THOP1: variants seen among roughly 807,000 people sequenced by gnomAD.
THOP1 encodes thimet oligopeptidase 1.
THOP1 carries 49 observed loss-of-function variants against 71.8 expected under a neutral mutation model. That is an observed-to-expected ratio of 0.68 (90% confidence interval 0.54 to 0.87). The LOEUF is 0.87. Among genes scored for constraint, THOP1 ranks in the 40% least tolerant of loss-of-function variants. The pLI, the probability that THOP1 is intolerant of heterozygous loss-of-function variation, is 0.00. For missense variants in THOP1, 843 were observed against 975.6 expected, an observed-to-expected ratio of 0.86 and a Z score of 1.81; for synonymous variants, 426 against 421.5, an observed-to-expected ratio of 1.01 and a Z score of -0.13.
intron 5 of THOP1, among the ~76,000 whole-genome samples, chr19:2,800,505 CT>C (rs1467174031): frequency 6.6e-6 from 1 of 152,246 alleles, no homozygotes; most frequent in Non-Finnish European, 1.5e-5. Context: ...CTGATGGGTG[CT>C]ATAGAATATA....
Position 2,785,558 on chromosome 19 carries a change from G to T in THOP1, c.-105G>T, listed in dbSNP as rs1915719997. The T allele has an allele frequency of 2.2e-6, 3 of 1,336,332 alleles. No individual in the cohort carries two copies. Among genetic ancestry groups the T allele is most frequent in the Non-Finnish European group, 3.0e-6 (3 of 1,014,096 alleles). 82.8% of individuals were successfully genotyped at this position (1,336,332 alleles called of 1,614,324 possible). A position where few individuals can be genotyped will look rare whatever the true frequency, so the allele number is the denominator to read the frequency against. Reference sequence around the variant, plus strand: ...CCTTGGTCCTCAGGCGGCCGTGGCGGCGGTGGCGGCGGTTGGGCCGAGGCA... The same window carrying T: ...CCTTGGTCCTCAGGCGGCCGTGGCGTCGGTGGCGGCGGTTGGGCCGAGGCA... On this transcript the variant is annotated 5_prime_UTR_variant, in exon 1 of 13. Transcript: ENST00000307741.
intron 1 of THOP1, among the ~76,000 whole-genome samples, chr19:2,788,966 G>T (rs1915813001): frequency 6.6e-6 from 1 of 152,138 alleles, no homozygotes; most frequent in Non-Finnish European, 1.5e-5. Flanking sequence ...TCACCATGTT[G>T]TCCAGGCTGG....
At position 2,791,074 on chromosome 19, in the gene THOP1, T is replaced by C. The variant is rs138879200; in HGVS notation, c.229+441T>C. 1.7e-3 allele frequency among the ~76,000 whole-genome samples: 254 copies of C among 152,358 alleles called. 2 individuals are homozygous for C. Among genetic ancestry groups the C allele is most frequent in the South Asian group, 6.8e-3 (33 of 4,828 alleles). ...GGGTATTTGTTTCTCTCTGAATGAC[T>C]GAACTTGGCCCCCTTGGCTTCTGCC... On this transcript the variant is annotated intron_variant, in intron 2 of 12. Coordinates refer to ENST00000307741, the MANE Select transcript of THOP1 (RefSeq NM_003249.5).
In THOP1 at chr19:2,807,361, A is replaced by G. The variant is rs1318124869; in HGVS notation, c.887-81A>G. 6 of 1,474,296 alleles carry G rather than the reference A, an allele frequency of 4.1e-6. No homozygotes were observed. The African/African-American group carries it at 8.4e-5, about 21-fold the overall frequency. The allele number at this position is 1,474,296 out of a possible 1,614,324, so 91.3% of individuals were successfully genotyped here. On this transcript the variant is annotated intron_variant, in intron 7 of 12. Transcript: ENST00000307741. ...CCCTTCCAAATGGGGAGCCTGACGA[A>G]GTCGCGGCCGCGGGCGGGCGAGCCC...
At chr19:2,812,568 G>T (rs901571027) in intron 12 of THOP1, among the ~76,000 whole-genome samples, 1 of 152,210 alleles carries the variant, frequency 6.6e-6, no homozygotes, top group African/African-American at 2.4e-5. Context: ...CCGGCCGGGG[G>T]CTGTAGAGGT....
Position 2,790,563 on chromosome 19 carries a change from C to G in THOP1, c.159C>G (p.Thr53=). The G allele has an allele frequency of 6.2e-7, 1 of 1,607,054 alleles. No individual in the cohort carries two copies. Among genetic ancestry groups the G allele is most frequent in the Non-Finnish European group, 8.5e-7 (1 of 1,176,976 alleles). The change falls in exon 2 of 13, where the codon ACC becomes ACG. Residue 53 remains threonine, a synonymous_variant. Transcript: ENST00000307741. Reference sequence around the variant, plus strand: ...AGCGCGTGTATGACCAGGTTGGCACCCAGGAGTTTGAGGACGTGTCCTACG... The same window carrying G: ...AGCGCGTGTATGACCAGGTTGGCACGCAGGAGTTTGAGGACGTGTCCTACG... ...QTKRVYDQVG[T]QEFEDVSYES... is the part of the protein sequence containing the mutation.
At chr19:2,811,954 G>A (rs976015846) in intron 12 of THOP1, 2 of 1,210,946 alleles carry the variant, frequency 1.7e-6, no homozygotes, top group African/African-American at 3.1e-5. Context: ...GGTGTGCCGG[G>A]TGAGCCATCC....
rs1229526467 is a variant in THOP1, at chr19:2,804,012, A to G, written c.590-1004A>G. 1.3e-5 allele frequency among the ~76,000 whole-genome samples: 2 copies of G among 148,558 alleles called. No homozygotes were observed. Among genetic ancestry groups the G allele is most frequent in the African/African-American group, 5.0e-5 (2 of 39,702 alleles). On this transcript the variant is annotated intron_variant, in intron 5 of 12. Coordinates refer to ENST00000307741, the MANE Select transcript of THOP1 (RefSeq NM_003249.5). This position sits in a 1 kb window ranked among gnomAD's most constrained non-coding sequence, Gnocchi z 4.7. ...GCGTGAGCTCCCGATCGTTCTTTCTACCCCTACTGCTCTGGGGTCCGTGTG... is the reference window on the plus strand; with the variant it reads ...GCGTGAGCTCCCGATCGTTCTTTCTGCCCCTACTGCTCTGGGGTCCGTGTG...
intron 2 of THOP1, among the ~76,000 whole-genome samples, chr19:2,791,027 T>G (rs1915865470): frequency 1.3e-5 from 2 of 152,236 alleles, no homozygotes; most frequent in African/African-American, 4.8e-5. Context: ...CCGTCTGGCC[T>G]CTTTCCCTGG....
intron 2 of THOP1, among the ~76,000 whole-genome samples, chr19:2,794,267 G>A (rs778654827): frequency 2.0e-5 from 3 of 152,054 alleles, no homozygotes; most frequent in African/African-American, 4.8e-5. Context: ...TGCCTGCCTC[G>A]GCCTCCCAAA....
chr19:2,795,044 G>T (rs537796660), intron 3 of THOP1, 132 bp downstream of exon 3: 1 of 1,102,538 alleles, frequency 9.1e-7, no homozygotes, highest in Middle Eastern at 3.2e-4. Context: ...GGCTAGTCTC[G>T]AACTCCTGAC....
chr19:2,796,954 G>A (rs1485774575), intron 4 of THOP1, among the ~76,000 whole-genome samples: 6 of 152,202 alleles, frequency 3.9e-5, no homozygotes, highest in Non-Finnish European at 8.8e-5. Context: ...CTGAAGTCAA[G>A]CGTAGTGTGT....
chr19:2,813,610 C>A lies in THOP1; in HGVS notation c.*334C>A. On this transcript the variant is annotated 3_prime_UTR_variant, in exon 13 of 13. Coordinates refer to ENST00000307741, the MANE Select transcript of THOP1 (RefSeq NM_003249.5). The stretch of plus-strand genomic sequence containing the variant: ...GGAAACAGAAAAAGAGAGAGGCTCC[C>A]TGGCCTGGTCACTGGCTCCTGCGCT... 3.8e-6 allele frequency: 1 copy of A among 261,506 alleles called. No homozygotes were observed. The highest frequency in any genetic ancestry group is 7.3e-6 in the Non-Finnish European group (1 of 137,372). The allele number at this position is 261,506 out of a possible 1,614,324, so 16.2% of individuals were successfully genotyped here. A position where few individuals can be genotyped will look rare whatever the true frequency, so the allele number is the denominator to read the frequency against.
At chr19:2,794,473 A>G (rs887990601) in intron 2 of THOP1, among the ~76,000 whole-genome samples, 4 of 152,216 alleles carry the variant, frequency 2.6e-5, no homozygotes, top group Admixed American at 2.0e-4. Context: ...CGTCGTACCC[A>G]GCTCTGTTGG....
In THOP1 at chr19:2,803,100, C is replaced by T. The variant is rs900429522; in HGVS notation, c.590-1916C>T. On this transcript the variant is annotated intron_variant, in intron 5 of 12. Transcript: ENST00000307741. ...TGTTGGACATGTGATGTCGCAGGCT[C>T]GTCCCATGCTCTCCCTGCCCCAGCC... Among the ~76,000 whole-genome samples the T allele has an allele frequency of 3.3e-5, 5 of 152,220 alleles. No homozygotes were observed. The East Asian group carries it at 5.8e-4, about 18-fold the overall frequency.
intron 9 of THOP1, among the ~76,000 whole-genome samples, chr19:2,808,722 C>A (rs2144781696): frequency 6.6e-6 from 1 of 152,346 alleles, no homozygotes; most frequent in Non-Finnish European, 1.5e-5. Context: ...AGGGTTGGCT[C>A]CCTCGAGGTC....
intron 5 of THOP1, among the ~76,000 whole-genome samples, chr19:2,802,195 C>T (rs960072790): frequency 6.6e-6 from 1 of 151,670 alleles, no homozygotes; most frequent in Non-Finnish European, 1.5e-5. Context: ...CGCCGTCTCC[C>T]GATACCTCCA....
intron 2 of THOP1, among the ~76,000 whole-genome samples, chr19:2,794,543 C>A (rs1915965609): frequency 1.3e-5 from 2 of 152,194 alleles, no homozygotes; most frequent in African/African-American, 4.8e-5. Flanking sequence ...TCTGTAAGAT[C>A]TCCAAGGACA....
Position 2,810,705 on chromosome 19 carries a change from G to A in THOP1, c.1708G>A (p.Ala570Thr), listed in dbSNP as rs1399030468. The change falls in exon 11 of 13, where the codon GCA (alanine) becomes ACA (threonine). Residue 570 changes from alanine (A) to threonine (T), a missense_variant. Transcript: ENST00000307741. Reference sequence around the variant, plus strand: ...CCAGGCCCTGCACACGCAGACGGACGCAGACCCCGCCGAGGAGTATGCGCG... The same window carrying A: ...CCAGGCCCTGCACACGCAGACGGACACAGACCCCGCCGAGGAGTATGCGCG... ...VDQALHTQTD[A>T]DPAEEYARLC... 5.1e-6 allele frequency: 8 copies of A among 1,581,598 alleles called. No individual in the cohort carries two copies. The highest frequency in any genetic ancestry group is 6.9e-6 in the Non-Finnish European group (8 of 1,163,740).
Sources: allele counts gnomAD v4.1 joint callset (sites outside exome capture counted in the v4.1 genomes callset), GRCh38; gene constraint gnomAD v4.1.1; non-coding constraint Gnocchi (gnomAD v3.1); transcripts MANE v1.5; gene names NCBI Gene and HGNC (gene_info 2026-07-23, HGNC 2026-07-21).